SYNE2: variants seen among roughly 807,000 people sequenced by gnomAD.
SYNE2 encodes spectrin repeat containing nuclear envelope protein 2.
A neutral mutation model predicts 856.3 loss-of-function variants in SYNE2; 431 were observed. The ratio of observed to expected loss-of-function variants is 0.50; its 90% CI spans 0.47 to 0.55. SYNE2 has a LOEUF of 0.55. Among genes scored for constraint, SYNE2 ranks in the 20% least tolerant of loss-of-function variants. The probability of loss-of-function intolerance (pLI) is 0.00; values close to 1 mark genes in which losing one functional copy is unlikely to be tolerated. For synonymous variants in SYNE2, 2,923 were observed against 2,872.3 expected (o/e 1.02, Z -0.56); for missense variants, 8,129 against 8,023.2 (o/e 1.01, Z -0.50).
In SYNE2 at chr14:64,152,735, A is replaced by C. The variant is rs778109797; in HGVS notation, c.15792+19A>C. 6.2e-7 allele frequency: 1 copy of C among 1,613,874 alleles called. No individual in the cohort carries two copies. The highest frequency in any genetic ancestry group is 8.5e-7 in the Non-Finnish European group (1 of 1,179,840). ...CACTCAGGTACTAGAATTCATTTGA[A>C]ATGTGCTATTTCTCTTCACATATTC... On this transcript the variant is annotated intron_variant, in intron 85 of 115. Coordinates refer to ENST00000555002, the MANE Select transcript of SYNE2 (RefSeq NM_182914.3).
intron 84 of SYNE2, 84 bp downstream of exon 84, chr14:64,146,307 G>A: frequency 3.1e-6 from 4 of 1,304,252 alleles, no homozygotes; most frequent in Non-Finnish European, 3.1e-6. Context: ...AGTTGCTGTA[G>A]TTTGTGGAAA....
intron 98 of SYNE2, chr14:64,189,120 G>C: frequency 3.2e-6 from 2 of 621,906 alleles, no homozygotes; most frequent in East Asian, 5.5e-5. Context: ...GATCACCTGA[G>C]GTCAAGAGTT....
Position 64,209,101 on chromosome 14 carries a change from G to A in SYNE2, c.18389+156G>A, listed in dbSNP as rs1229804921. 25 of 1,057,786 alleles carry A rather than the reference G, an allele frequency of 2.4e-5. No individual in the cohort carries two copies. In the Admixed American group the frequency reaches 3.9e-4, roughly 16 times the overall value. The allele number at this position is 1,057,786 out of a possible 1,614,324, so 65.5% of individuals were successfully genotyped here. ...AACGCTTATCAAAGGATTTATTCAA[G>A]AAAAATGTAACCGGAGTAATGTCTC... On this transcript the variant is annotated intron_variant, in intron 101 of 115. Transcript: ENST00000555002.
In SYNE2 at chr14:63,843,645, A is replaced by T. The variant is rs1890141516; in HGVS notation, c.-304-8856A>T. On this transcript the variant is annotated intron_variant, in intron 1 of 23. Coordinates refer to the SYNE2 transcript ENST00000674003. ...TTTTATCATGTTAAGGAAGTACCCA[A>T]CAATTCCTATTTTATTCAGAATTTT... 2.0e-5 allele frequency among the ~76,000 whole-genome samples: 3 copies of T among 152,324 alleles called. No individual in the cohort carries two copies. In the South Asian group the frequency reaches 6.2e-4, roughly 32 times the overall value.
At chr14:64,149,322 AAAG>A (rs2098219113) in intron 84 of SYNE2, among the ~76,000 whole-genome samples, 1 of 152,122 alleles carries the variant, frequency 6.6e-6, no homozygotes, top group African/African-American at 2.4e-5. Context: ...AGAAAGAAAA[AAAG>A]AAAAGAAAAT....
chr14:63,858,351 G>A (rs1277497209), intron 1 of SYNE2, among the ~76,000 whole-genome samples: 1 of 133,724 alleles, frequency 7.5e-6, no homozygotes, highest in African/African-American at 2.8e-5. Context: ...TGAACTCCTG[G>A]CCTCAAGTGA....
chr14:63,962,180 C>G (rs1171300599), intron 9 of SYNE2, among the ~76,000 whole-genome samples: 2 of 151,344 alleles, frequency 1.3e-5, no homozygotes, highest in African/African-American at 4.9e-5. Context: ...CTCAGCCTCC[C>G]AAGTAGCTGG....
At chr14:64,181,206 T>A (rs2098456482) in intron 96 of SYNE2, among the ~76,000 whole-genome samples, 1 of 152,238 alleles carries the variant, frequency 6.6e-6, no homozygotes, top group South Asian at 2.1e-4. Context: ...AGAAAATGAT[T>A]CTAACATTTC....
intron 57 of SYNE2, among the ~76,000 whole-genome samples, chr14:64,083,484 A>C (rs1016656548): frequency 6.6e-6 from 1 of 152,080 alleles, no homozygotes; most frequent in Non-Finnish European, 1.5e-5. Flanking sequence ...ACATGTAAAA[A>C]TGTAAAAGCA....
chr14:64,002,145 C>T (rs1367622919), intron 29 of SYNE2, 64 bp downstream of exon 29: 7 of 1,339,298 alleles, frequency 5.2e-6, no homozygotes, highest in Non-Finnish European at 7.5e-6. Context: ...TTTATAAATC[C>T]TTATGGATTT....
chr14:64,193,001 TAATCAGCCTTACATAG>T (rs767055747), intron 99 of SYNE2, among the ~76,000 whole-genome samples: 5 of 152,234 alleles, frequency 3.3e-5, no homozygotes, highest in Admixed American at 6.5e-5. Context: ...GGACCTGTCA[TAATCAGCCTTACATAG>T]AATCAGCCTT....
chr14:64,163,410 G>T lies in SYNE2; in HGVS notation c.16308G>T (p.Gln5436His), dbSNP rs780277573. 2.4e-5 allele frequency: 38 copies of T among 1,613,830 alleles called. No individual in the cohort carries two copies. The change falls in exon 89 of 116, where the codon CAG (glutamine) becomes CAT (histidine). Residue 5436 changes from glutamine (Q) to histidine (H), a missense_variant. By Grantham distance (24) the Gln-to-His change is conservative. Coordinates refer to ENST00000555002, the MANE Select transcript of SYNE2 (RefSeq NM_182914.3). ...PPALQDIKELQHDVQKTKEAF... is the reference protein window; with the variant it reads ...PPALQDIKELHHDVQKTKEAF... ...CCCTTTTTCTTCTGCAGGAGCTGCA[G>T]CATGATGTGCAGAAAACAAAAGAAG...
chr14:63,771,704 G>C (rs1215258440), intron 1 of SYNE2, among the ~76,000 whole-genome samples: 1 of 151,968 alleles, frequency 6.6e-6, no homozygotes, highest in East Asian at 2.0e-4. Context: ...TTCGAGACCA[G>C]CTGGCCAACA....
chr14:63,790,405 A>G (rs879871081), intron 1 of SYNE2, among the ~76,000 whole-genome samples: 2 of 152,106 alleles, frequency 1.3e-5, no homozygotes, highest in Middle Eastern at 3.4e-3. Flanking sequence ...AGAAAGAAGG[A>G]GTGCTGTATG....
At chr14:64,027,359 T>G (rs773877110) in intron 42 of SYNE2, 125 bp from the exon 43 acceptor site, 2 of 618,178 alleles carry the variant, frequency 3.2e-6, no homozygotes, top group Non-Finnish European at 5.5e-6. Flanking sequence ...ATCAAAAGAG[T>G]CTCTGGGAAC....
At chr14:63,851,366 A>G (rs1247164054), upstream of SYNE2, among the ~76,000 whole-genome samples, 2 of 152,152 alleles carry the variant, frequency 1.3e-5, no homozygotes, top group Non-Finnish European at 2.9e-5. Context: ...GTCTCAAAAA[A>G]CAAACGAACG....
At chr14:63,927,791 C>T (rs2153391220) in intron 2 of SYNE2, among the ~76,000 whole-genome samples, 1 of 151,976 alleles carries the variant, frequency 6.6e-6, no homozygotes, top group East Asian at 1.9e-4. Context: ...ACTCGGGAGC[C>T]TGAGGCAGGA....
intron 1 of SYNE2, among the ~76,000 whole-genome samples, chr14:63,856,148 C>A (rs1566621784): frequency 1.3e-5 from 2 of 152,098 alleles, no homozygotes; most frequent in African/African-American, 4.8e-5. Flanking sequence ...TGAGCACTGT[C>A]AAGTTAAGGG....
intron 93 of SYNE2, 119 bp from the exon 94 acceptor site, chr14:64,170,109 G>A (rs2098403526): frequency 1.1e-6 from 1 of 944,382 alleles, no homozygotes; most frequent in Non-Finnish European, 1.7e-6. Context: ...TTTAGAAGTT[G>A]GGATTTTTTT....
Sources: gnomAD v4.1 joint callset for allele counts (sites outside exome capture counted in the v4.1 genomes callset) on GRCh38, gnomAD v4.1.1 for gene constraint, MANE v1.5 for transcripts, NCBI Gene and HGNC (gene_info 2026-07-23, HGNC 2026-07-21) for gene names.